Variants in ZDHHC15 observed in about 807,000 individuals in gnomAD.
The protein encoded by ZDHHC15 is palmitoyltransferase ZDHHC15.
Under a neutral mutation model 31.7 loss-of-function variants are expected in ZDHHC15, and 19 were observed. The observed-to-expected ratio is 0.60, with a 90% CI of 0.42 to 0.88. The LOEUF (loss-of-function observed/expected upper bound fraction) is 0.88. Among genes scored for constraint, ZDHHC15 ranks in the 40% least tolerant of loss-of-function variants. ZDHHC15 has a pLI of 0.00. For synonymous variants in ZDHHC15, 103 were observed against 90.0 expected (o/e 1.14, Z -0.82); for missense variants, 209 against 251.2 (o/e 0.83, Z 1.14).
At chrX:75,466,597 T>C (rs2147948448) in intron 3 of ZDHHC15, among the ~76,000 whole-genome samples, 1 of 111,666 alleles carries the variant, frequency 9.0e-6, no homozygotes, top group East Asian at 2.8e-4. Flanking sequence ...TGCATGCATA[T>C]GTTCATTGCA....
At chrX:75,457,281 A>C (rs754948269) in intron 3 of ZDHHC15, among the ~76,000 whole-genome samples, 1 of 110,151 alleles carries the variant, frequency 9.1e-6, no homozygotes, top group South Asian at 3.9e-4. Context: ...GGCCATTTGG[A>C]TATCCTCTTG....
chrX:75,418,857 G>C (rs2083582403), intron 9 of ZDHHC15, among the ~76,000 whole-genome samples: 3 of 112,113 alleles, frequency 2.7e-5, no homozygotes, highest in East Asian at 2.8e-4. Flanking sequence ...AAAAACCTTA[G>C]AAGAAAACCT....
intron 3 of ZDHHC15, among the ~76,000 whole-genome samples, chrX:75,451,392 T>G (rs1335604820): frequency 8.9e-6 from 1 of 112,472 alleles, no homozygotes; most frequent in Non-Finnish European, 1.9e-5. Context: ...ATGAGACTGC[T>G]TGTAACATTG....
intron 4 of ZDHHC15, among the ~76,000 whole-genome samples, chrX:75,436,923 C>T (rs909846803): frequency 1.1e-4 from 12 of 112,187 alleles, no homozygotes; most frequent in Non-Finnish European, 2.1e-4. Flanking sequence ...GCTCTGTCGC[C>T]CAGGCTGGAG....
intron 3 of ZDHHC15, among the ~76,000 whole-genome samples, chrX:75,464,384 T>A (rs761722102): frequency 1.8e-5 from 2 of 110,571 alleles, no homozygotes; most frequent in African/African-American, 6.6e-5. Context: ...TGTATACATA[T>A]GTAACAAACC....
At chrX:75,473,705 C>T (rs2084541716) in intron 3 of ZDHHC15, among the ~76,000 whole-genome samples, 1 of 111,659 alleles carries the variant, frequency 9.0e-6, no homozygotes, top group Admixed American at 9.6e-5. Flanking sequence ...TCAATACCAG[C>T]TACAACCATG....
rs148790741 is a variant in ZDHHC15, at chrX:75,440,687, T to C, written c.380-9167A>G. On this transcript the variant is annotated intron_variant, in intron 4 of 11. Coordinates refer to ENST00000373367, the MANE Select transcript of ZDHHC15 (RefSeq NM_144969.3). ...GGTAGTATAGCGGGGATTCAATCTTTCCCTAGGGTCACCTGGATAAGTATT... is the reference window on the plus strand; with the variant it reads ...GGTAGTATAGCGGGGATTCAATCTTCCCCTAGGGTCACCTGGATAAGTATT... 7.9e-3 allele frequency among the ~76,000 whole-genome samples: 887 copies of C among 111,809 alleles called. 11 individuals carry two copies. The highest frequency in any genetic ancestry group is 0.027 in the African/African-American group (817 of 30,763).
chrX:75,421,648 G>A (rs1220293550), intron 9 of ZDHHC15, among the ~76,000 whole-genome samples: 1 of 102,538 alleles, frequency 9.8e-6, no homozygotes, highest in East Asian at 3.1e-4. Flanking sequence ...TAAAAGATTG[G>A]TAGTGCCACT....
rs1445592400 is a variant in ZDHHC15, at chrX:75,419,494, G to C, written c.864-2304C>G. Among the ~76,000 whole-genome samples the C allele has an allele frequency of 2.7e-5, 3 of 110,971 alleles. No individual in the cohort carries two copies. In the Admixed American group the frequency reaches 2.9e-4, roughly 11 times the overall value. ...GGAGAAATAGGAACACTTTTATACT[G>C]TTGGTGGGACTGTAAACTAGTTCAA... On this transcript the variant is annotated intron_variant, in intron 9 of 11. Coordinates refer to ENST00000373367, the MANE Select transcript of ZDHHC15 (RefSeq NM_144969.3).
chrX:75,420,224 T>A (rs1267946148), intron 9 of ZDHHC15, among the ~76,000 whole-genome samples: 1 of 111,483 alleles, frequency 9.0e-6, no homozygotes, highest in African/African-American at 3.3e-5. Context: ...TCACCGGTCA[T>A]TAGAGAAATG....
chrX:75,518,806 TACACACACACACACACAC>T (rs57864438), intron 1 of ZDHHC15, among the ~76,000 whole-genome samples: 1 of 22,901 alleles, frequency 4.4e-5, no homozygotes, highest in Non-Finnish European at 7.0e-5. Context: ...TATATATATA[TACACACACACACACACAC>T]ACACACACAC....
chrX:75,505,837 C>T lies in ZDHHC15; in HGVS notation c.147G>A (p.Leu49=). ...TCATCTTACCTTTTTCTGCTGGGCT[C>T]AAAACAGTCACTGTGAAGAGACAGG... ...YVFELCLVTV[L]SPAEKVIYLI... is the part of the protein sequence containing the mutation. Residue 49 remains leucine (L), a synonymous_variant, in exon 2 of 12, where the codon TTG becomes TTA. Coordinates refer to ENST00000373367, the MANE Select transcript of ZDHHC15 (RefSeq NM_144969.3). 8.3e-7 allele frequency: 1 copy of T among 1,206,889 alleles called. No homozygotes were observed. The highest frequency in any genetic ancestry group is 1.8e-5 in the South Asian group (1 of 56,684).
intron 1 of ZDHHC15, among the ~76,000 whole-genome samples, chrX:75,507,801 T>C (rs1291303918): frequency 2.7e-5 from 3 of 111,794 alleles, no homozygotes; most frequent in African/African-American, 9.7e-5. Flanking sequence ...CAAGTAGTTA[T>C]GGAGAAAAAT....
intron 1 of ZDHHC15, among the ~76,000 whole-genome samples, chrX:75,515,568 T>C (rs2085343176): frequency 8.9e-6 from 1 of 111,807 alleles, no homozygotes; most frequent in Non-Finnish European, 1.9e-5. Flanking sequence ...AAACTAGGTA[T>C]TGATGGAATG....
chrX:75,434,063 T>C (rs2083818447), intron 4 of ZDHHC15, among the ~76,000 whole-genome samples: 1 of 111,990 alleles, frequency 8.9e-6, no homozygotes, highest in Admixed American at 9.5e-5. Flanking sequence ...TATTGCATTG[T>C]GGTTTTGACT....
chrX:75,373,924 C>CTTTTTTTTTTTT (rs1298329750), intron 11 of ZDHHC15, among the ~76,000 whole-genome samples: 2 of 19,049 alleles, frequency 1.0e-4, no homozygotes, highest in Non-Finnish European at 3.2e-4. Flanking sequence ...TTCATTCTTT[C>CTTTTTTTTTTTT]TGTTTTTTTT....
At chrX:75,421,411 A>ATATTATATATTATAT in intron 9 of ZDHHC15, among the ~76,000 whole-genome samples, 1 of 26,053 alleles carries the variant, frequency 3.8e-5, no homozygotes, top group South Asian at 1.9e-3. Context: ...ATATATATAT[A>ATATTATATATTATAT]ATATATATAT....
chrX:75,447,235 A>C (rs757342604), intron 4 of ZDHHC15, among the ~76,000 whole-genome samples: 5 of 111,965 alleles, frequency 4.5e-5, no homozygotes, highest in Admixed American at 9.5e-5. Context: ...GGTTGATTAC[A>C]TTGGAGTGCT....
At chrX:75,476,778 CCTT>C (rs1284331947) in intron 3 of ZDHHC15, among the ~76,000 whole-genome samples, 1 of 106,125 alleles carries the variant, frequency 9.4e-6, no homozygotes, top group Non-Finnish European at 1.9e-5. Context: ...TCTCTTCCCT[CCTT>C]CTCTCCTTTT....
Sources: gnomAD v4.1 joint callset for allele counts (sites outside exome capture counted in the v4.1 genomes callset) on GRCh38, gnomAD v4.1.1 for gene constraint, MANE v1.5 for transcripts, NCBI Gene and HGNC (gene_info 2026-07-23, HGNC 2026-07-21) for gene names.